The following KIF21A variants were observed in gnomAD, a reference collection of about 807,000 sequenced individuals.
KIF21A encodes kinesin-like protein KIF21A.
A neutral mutation model predicts 202.9 loss-of-function variants in KIF21A; 114 were observed. That is an observed-to-expected ratio of 0.56 (90% CI 0.48 to 0.66). The LOEUF (loss-of-function observed/expected upper bound fraction) is 0.66. Ranked by LOEUF, KIF21A falls within the 30% of genes least tolerant of loss-of-function variation. The pLI is 0.00. For missense variants in KIF21A, 1,677 were observed against 1,994.9 expected (o/e 0.84, Z 3.04); for synonymous variants, 667 against 670.8 (o/e 0.99, Z 0.09).
intron 1 of KIF21A, among the ~76,000 whole-genome samples, chr12:39,398,899 TA>T (rs141857060): frequency 0.098 from 14,876 of 151,712 alleles, 749 homozygotes; most frequent in East Asian, 0.14. Context: ...AATAACACAA[TA>T]AAAAAACAAT....
intron 35 of KIF21A, among the ~76,000 whole-genome samples, chr12:39,304,620 T>C (rs550442921): frequency 6.6e-6 from 1 of 152,178 alleles, no homozygotes; most frequent in Non-Finnish European, 1.5e-5. Flanking sequence ...TTTCCAACCT[T>C]TCTTCTATGA....
chr12:39,400,153 C>A (rs377061099), intron 1 of KIF21A, among the ~76,000 whole-genome samples: 28 of 152,198 alleles, frequency 1.8e-4, no homozygotes, highest in African/African-American at 6.5e-4. Context: ...AGCTATTTTC[C>A]ACGGTTTACA....
chr12:39,414,772 TAGAG>T lies in KIF21A; in HGVS notation c.44+28151_44+28154del, dbSNP rs142496693. On this transcript the variant is annotated intron_variant, in intron 1 of 37. Transcript: ENST00000361418. ...TTTACTTTGATTTATAACAAAAATTTAGAGAGTCAATCAACAAATGTTTATTGAA... is the reference window on the plus strand; with the variant it reads ...TTTACTTTGATTTATAACAAAAATTTAGTCAATCAACAAATGTTTATTGAA... 7.2e-5 allele frequency among the ~76,000 whole-genome samples: 11 copies of T among 152,280 alleles called. No individual in the cohort carries two copies. The East Asian group carries it at 1.2e-3, about 16-fold the overall frequency.
intron 24 of KIF21A, chr12:39,330,014 A>G (rs1223067837): frequency 1.6e-5 from 7 of 442,564 alleles, no homozygotes; most frequent in Non-Finnish European, 8.1e-6. Flanking sequence ...AATAAAAGAG[A>G]CAACTAACAA....
chr12:39,333,905 T>C (rs1179144129), intron 17 of KIF21A, among the ~76,000 whole-genome samples: 1 of 151,338 alleles, frequency 6.6e-6, no homozygotes, highest in East Asian at 1.9e-4. Flanking sequence ...AAAATTGGAC[T>C]TAAAAAGAAC....
In KIF21A at chr12:39,366,485, T is replaced by G; in HGVS notation, c.768A>C (p.Glu256Asp). The G allele has an allele frequency of 1.2e-6, 2 of 1,612,188 alleles. No individual in the cohort carries two copies. The highest frequency in any genetic ancestry group is 1.7e-6 in the Non-Finnish European group (2 of 1,178,348). Residue 256 changes from glutamate to aspartate, a missense_variant, in exon 6 of 38, where the codon GAA becomes GAC. Coordinates refer to ENST00000361418, the MANE Select transcript of KIF21A (RefSeq NM_001173464.2). ...TTTCAAATTCATTCATCTGTGCTGA[T>G]TCAGAAATAATTTTATTATCAGTTG... ...DNATDNKIIS[E>D]SAQMNEFETL...
At chr12:39,440,866 T>A (rs957805184) in intron 1 of KIF21A, among the ~76,000 whole-genome samples, 2 of 151,968 alleles carry the variant, frequency 1.3e-5, no homozygotes, top group Non-Finnish European at 2.9e-5. Context: ...TGTATAAAAA[T>A]TAGCCAAGCA....
At chr12:39,378,254 C>T (rs1269632164) in intron 1 of KIF21A, among the ~76,000 whole-genome samples, 1 of 152,168 alleles carries the variant, frequency 6.6e-6, no homozygotes, top group East Asian at 1.9e-4. Context: ...GGACACAGAA[C>T]ACTGATAAAA....
chr12:39,346,507 T>A lies in KIF21A; in HGVS notation c.1674-3A>T. ...TGCTTTCCTCAAGTTTCTGTAGCCT[T>A]CAAAATCACGAGGCACAGTATTGGA... On this transcript the variant is annotated splice_region_variant and splice_polypyrimidine_tract_variant and intron_variant, in intron 11 of 37. Transcript: ENST00000361418. The A allele has an allele frequency of 6.7e-7, 1 of 1,483,888 alleles. No homozygotes were observed. The highest frequency in any genetic ancestry group is 8.9e-7 in the Non-Finnish European group (1 of 1,120,188). The allele number at this position is 1,483,888 out of a possible 1,614,324, so 91.9% of individuals were successfully genotyped here.
intron 25 of KIF21A, 28 bp downstream of exon 25, chr12:39,326,236 A>G: frequency 6.7e-7 from 1 of 1,501,562 alleles, no homozygotes; most frequent in Non-Finnish European, 9.3e-7. Flanking sequence ...AAATAAGTCA[A>G]CTCTATTGTT....
Position 39,389,539 on chromosome 12 carries a change from C to T in KIF21A, c.45-19278G>A, listed in dbSNP as rs11171955. On this transcript the variant is annotated intron_variant, in intron 1 of 37. Transcript: ENST00000361418. ...AATGGAGTCTGCTTGCCACTGCCAC[C>T]AGTCCATAATACCCAAAAACCAAAT... Among the ~76,000 whole-genome samples, 5 of 152,216 alleles carry T rather than the reference C, an allele frequency of 3.3e-5. No individual in the cohort carries two copies. In the East Asian group the frequency reaches 7.7e-4, roughly 24 times the overall value.
Position 39,309,731 on chromosome 12 carries a change from GC to G in KIF21A, c.4131del (p.Gln1378ArgfsTer3). The G allele has an allele frequency of 6.2e-7, 1 of 1,613,140 alleles. No individual in the cohort carries two copies. Among genetic ancestry groups the G allele is most frequent in the Non-Finnish European group, 8.5e-7 (1 of 1,179,666 alleles). On this transcript the variant is annotated frameshift_variant, in exon 33 of 38. Transcript: ENST00000361418. LOFTEE classifies it high-confidence loss of function. ...RTCKVWNLVT[G>X]QEIMSLGGHP... The stretch of plus-strand genomic sequence containing the variant: ...TGACCCCCCAGTGACATTATTTCCT[GC>G]CCAGTCACCAGATTCCATACTTTAC...
At chr12:39,350,117 AG>A (rs528164535) in intron 11 of KIF21A, among the ~76,000 whole-genome samples, 83 of 152,074 alleles carry the variant, frequency 5.5e-4, no homozygotes, top group East Asian at 3.1e-3. Flanking sequence ...TCTTTTTGTT[AG>A]GAAATAAATT....
chr12:39,389,965 A>C (rs1188227277), intron 1 of KIF21A, among the ~76,000 whole-genome samples: 1 of 152,098 alleles, frequency 6.6e-6, no homozygotes, highest in Non-Finnish European at 1.5e-5. Flanking sequence ...TCTTCTTCCC[A>C]CACTACCCCA....
At chr12:39,316,822 T>A (rs1310001256) in intron 29 of KIF21A, among the ~76,000 whole-genome samples, 3 of 152,068 alleles carry the variant, frequency 2.0e-5, no homozygotes, top group African/African-American at 7.2e-5. Flanking sequence ...TACATTTTAG[T>A]TTATAGAGAT....
At position 39,339,286 on chromosome 12, in the gene KIF21A, T is replaced by G. The variant is rs2054591381; in HGVS notation, c.2310+879A>C. Among the ~76,000 whole-genome samples, 5 of 152,134 alleles carry G rather than the reference T, an allele frequency of 3.3e-5. No homozygotes were observed. The South Asian group carries it at 1.0e-3, about 32-fold the overall frequency. On this transcript the variant is annotated intron_variant, in intron 16 of 37. Coordinates refer to ENST00000361418, the MANE Select transcript of KIF21A (RefSeq NM_001173464.2). ...TTTTTTATCTTTTTTACTGTATTTT[T>G]TACAATACCTTTTCTATGTTTAGAT... is the stretch of plus-strand genomic sequence containing the variant.
chr12:39,438,084 G>C (rs1018885103), intron 1 of KIF21A, among the ~76,000 whole-genome samples: 2 of 152,222 alleles, frequency 1.3e-5, no homozygotes, highest in Admixed American at 1.3e-4. Context: ...CTGTTACTTA[G>C]TGGTGAATAA....
intron 1 of KIF21A, among the ~76,000 whole-genome samples, chr12:39,424,873 C>G (rs1443760644): frequency 3.9e-5 from 6 of 152,128 alleles, no homozygotes; most frequent in Admixed American, 3.9e-4. Context: ...TAGATCATGT[C>G]ACATCTCTAC....
At position 39,370,105 on chromosome 12, in the gene KIF21A, T is replaced by C. The variant is rs750235289; in HGVS notation, c.201A>G (p.Gln67=). 6 of 1,613,876 alleles carry C rather than the reference T, an allele frequency of 3.7e-6. No homozygotes were observed. In the East Asian group the frequency reaches 6.7e-5, roughly 18 times the overall value. ...IDSQQEQIYI[Q]CIEKLIEGCF... is the part of the protein sequence containing the mutation. ...AACCTTCAATTAGTTTTTCTATACA[T>C]TGAATGTAGATCTGCTCTTGCTGGG... The change falls in exon 2 of 38, where the codon CAA becomes CAG. Residue 67 remains glutamine, a synonymous_variant. Transcript: ENST00000361418.
Sources: allele counts gnomAD v4.1 joint callset (sites outside exome capture counted in the v4.1 genomes callset), GRCh38; gene constraint gnomAD v4.1.1; transcripts MANE v1.5; gene names NCBI Gene and HGNC (gene_info 2026-07-23, HGNC 2026-07-21).